RAPGEF5: variants seen among roughly 807,000 people sequenced by gnomAD.
The protein encoded by RAPGEF5 is Rap guanine nucleotide exchange factor 5.
A neutral mutation model predicts 125.2 loss-of-function variants in RAPGEF5; 65 were observed. The observed-to-expected ratio is 0.52, with a 90% CI of 0.43 to 0.64. The LOEUF is 0.64. Among genes scored for constraint, RAPGEF5 ranks in the 30% least tolerant of loss-of-function variants. RAPGEF5 has a pLI of 0.00. For synonymous variants in RAPGEF5, 391 were observed against 385.9 expected (o/e 1.01, Z -0.16); for missense variants, 958 against 1,048.1 (o/e 0.91, Z 1.19).
At chr7:22,286,265 T>C (rs1782794520) in intron 6 of RAPGEF5, among the ~76,000 whole-genome samples, 1 of 152,202 alleles carries the variant, frequency 6.6e-6, no homozygotes, top group South Asian at 2.1e-4. Context: ...TCTAGCAGCA[T>C]AGAGGACACA....
intron 17 of RAPGEF5, among the ~76,000 whole-genome samples, chr7:22,152,573 A>G (rs958360513): frequency 2.0e-5 from 3 of 152,224 alleles, no homozygotes; most frequent in African/African-American, 4.8e-5. Flanking sequence ...TACCCTGGGT[A>G]AAAAACAGCT....
chr7:22,290,228 T>C (rs982871041), intron 6 of RAPGEF5, among the ~76,000 whole-genome samples: 8 of 152,172 alleles, frequency 5.3e-5, no homozygotes, highest in Non-Finnish European at 1.0e-4. Flanking sequence ...TTTCAGCAAT[T>C]ACCATTTTAA....
chr7:22,233,855 T>C (rs1262829491), intron 7 of RAPGEF5, among the ~76,000 whole-genome samples: 2 of 152,226 alleles, frequency 1.3e-5, no homozygotes, highest in Admixed American at 1.3e-4. Flanking sequence ...TTGTCACATC[T>C]TTAAAGACCT....
intron 3 of RAPGEF5, among the ~76,000 whole-genome samples, chr7:22,311,448 G>T (rs1177579465): frequency 6.6e-6 from 1 of 152,202 alleles, no homozygotes; most frequent in East Asian, 1.9e-4. Context: ...CTTGTGATTG[G>T]CATAGTTACA....
chr7:22,152,873 A>G (rs187446939), intron 17 of RAPGEF5, among the ~76,000 whole-genome samples: 290 of 152,376 alleles, frequency 1.9e-3, no homozygotes, highest in Non-Finnish European at 3.4e-3. Context: ...GATGGAAAAT[A>G]ATGGCACATT....
At chr7:22,194,808 T>A in intron 9 of RAPGEF5, 1 of 970,788 alleles carries the variant, frequency 1.0e-6, no homozygotes, top group Non-Finnish European at 1.2e-6. Flanking sequence ...CCAGAGTGAG[T>A]GTGGCCCGCT....
At chr7:22,216,602 G>C (rs1413578789) in intron 9 of RAPGEF5, among the ~76,000 whole-genome samples, 1 of 152,142 alleles carries the variant, frequency 6.6e-6, no homozygotes, top group Non-Finnish European at 1.5e-5. Context: ...CTACATCAGA[G>C]ATAATTTCTT....
chr7:22,123,801 C>T (rs1430271650), intron 25 of RAPGEF5, among the ~76,000 whole-genome samples: 3 of 152,120 alleles, frequency 2.0e-5, no homozygotes, highest in Non-Finnish European at 2.9e-5. Context: ...TTGGATAACA[C>T]GATGCTACAA....
At chr7:22,232,076 T>C (rs1786071229) in intron 7 of RAPGEF5, among the ~76,000 whole-genome samples, 1 of 152,180 alleles carries the variant, frequency 6.6e-6, no homozygotes, top group African/African-American at 2.4e-5. Context: ...CATGGAACAC[T>C]GGAGCTATAT....
rs74631182 is a variant in RAPGEF5 at position 22,130,478 on chromosome 7, G to A, written c.2481+559C>T. 7.9e-3 allele frequency among the ~76,000 whole-genome samples: 1,210 copies of A among 152,238 alleles called. 10 individuals are homozygous for A. Among genetic ancestry groups the A allele is most frequent in the African/African-American group, 0.026 (1,098 of 41,520 alleles). ...GTACTTTGCCTGAGCCGCTCTGGCC[G>A]TGGTGCTCAGGGATGGCACCCTTTG... On this transcript the variant is annotated intron_variant, in intron 24 of 25. Coordinates refer to ENST00000665637, the MANE Select transcript of RAPGEF5 (RefSeq NM_012294.5).
At chr7:22,353,282 T>C (rs1192282191) in intron 1 of RAPGEF5, among the ~76,000 whole-genome samples, 1 of 152,204 alleles carries the variant, frequency 6.6e-6, no homozygotes, top group Non-Finnish European at 1.5e-5. Context: ...AACAACTAAA[T>C]ACAATATGTG....
intron 5 of RAPGEF5, among the ~76,000 whole-genome samples, chr7:22,301,614 C>CAAAAAA (rs35404390): frequency 1.2e-5 from 1 of 83,804 alleles, no homozygotes; most frequent in Non-Finnish European, 2.4e-5. Flanking sequence ...GACTCTGTCT[C>CAAAAAA]AAAAAAAAAA....
In RAPGEF5 at chr7:22,339,802, G is replaced by A. The variant is rs753029769; in HGVS notation, c.231+17028C>T. Among the ~76,000 whole-genome samples, 43 of 152,130 alleles carry A rather than the reference G, an allele frequency of 2.8e-4. 1 individual carries two copies. Among genetic ancestry groups the A allele is most frequent in the Non-Finnish European group, 1.3e-4 (9 of 68,030 alleles). ...ACTTTCACAATTTCACTTCTCACCT[G>A]AGCAATACCTTCTCATATGTATCCT... On this transcript the variant is annotated intron_variant, in intron 1 of 25. Coordinates refer to ENST00000665637, the MANE Select transcript of RAPGEF5 (RefSeq NM_012294.5).
chr7:22,130,469 G>A (rs981892992), intron 24 of RAPGEF5, among the ~76,000 whole-genome samples: 1 of 152,172 alleles, frequency 6.6e-6, no homozygotes, highest in Non-Finnish European at 1.5e-5. Context: ...TGCCTGAGCC[G>A]CTCTGGCCGT....
At chr7:22,330,451 C>G (rs1428911971) in intron 1 of RAPGEF5, among the ~76,000 whole-genome samples, 1 of 152,172 alleles carries the variant, frequency 6.6e-6, no homozygotes, top group Non-Finnish European at 1.5e-5. Flanking sequence ...AAATTTCAAA[C>G]AGCAAAGCAA....
At chr7:22,228,874 C>T (rs114627460) in intron 8 of RAPGEF5, among the ~76,000 whole-genome samples, 3,612 of 152,166 alleles carry the variant, frequency 0.024, 142 homozygotes, top group African/African-American at 0.083. Context: ...CCAGAGGCAG[C>T]GCCCCTAGTC....
intron 9 of RAPGEF5, among the ~76,000 whole-genome samples, chr7:22,210,593 A>G (rs1785487432): frequency 6.6e-6 from 1 of 152,126 alleles, no homozygotes; most frequent in Admixed American, 6.5e-5. Flanking sequence ...TATCACCATT[A>G]TTCTCTACTA....
chr7:22,271,230 T>G (rs11972373), intron 6 of RAPGEF5, among the ~76,000 whole-genome samples: 80,270 of 151,540 alleles, frequency 0.53, 23,098 homozygotes, highest in African/African-American at 0.76. Flanking sequence ...AATCTCGGGA[T>G]TGAACCAGGC....
At chr7:22,290,317 G>A (rs1390017488) in intron 6 of RAPGEF5, among the ~76,000 whole-genome samples, 1 of 152,220 alleles carries the variant, frequency 6.6e-6, no homozygotes, top group East Asian at 1.9e-4. Flanking sequence ...ATAGGTACAA[G>A]TTTGGTGACG....
Sources: gnomAD v4.1 joint callset for allele counts (sites outside exome capture counted in the v4.1 genomes callset) on GRCh38, gnomAD v4.1.1 for gene constraint, MANE v1.5 for transcripts, NCBI Gene and HGNC (gene_info 2026-07-23, HGNC 2026-07-21) for gene names.